RANBP2: variants seen among roughly 807,000 people sequenced by gnomAD.
RANBP2 encodes E3 SUMO-protein ligase RanBP2.
Under a neutral mutation model 303.6 loss-of-function variants are expected in RANBP2, and 57 were observed. The observed-to-expected ratio is 0.19, with a 90% CI of 0.15 to 0.23. The LOEUF (loss-of-function observed/expected upper bound fraction) is 0.23, where lower values mean the gene tolerates loss of function less well. Among genes scored for constraint, RANBP2 ranks in the 10% least tolerant of loss-of-function variants. The pLI, the probability that RANBP2 is intolerant of heterozygous loss-of-function variation, is 1.00. For synonymous variants in RANBP2, 1,167 were observed against 1,301.5 expected (o/e 0.90, Z 2.23); for missense variants, 3,138 against 3,780.8 (o/e 0.83, Z 4.46).
chr2:108,719,673 C>G lies in RANBP2; in HGVS notation c.67C>G (p.Arg23Gly). 1.9e-6 allele frequency: 3 copies of G among 1,605,028 alleles called. No individual in the cohort carries two copies. Among genetic ancestry groups the G allele is most frequent in the Non-Finnish European group, 2.5e-6 (3 of 1,176,994 alleles). ...GGTGCAGGGCTCCACCCCGTCGCCT[C>G]GACAGGTGAGTGGGTCTCGAAGAGA... ...ASVQGSTPSP[R>G]QKSMKGFYFA... The change falls in exon 1 of 29, where the codon CGA (arginine) becomes GGA (glycine). Residue 23 changes from arginine (R) to glycine (G), a missense_variant. Around this residue, in one of 20 missense-constraint regions of RANBP2, gnomAD observed 306 missense variants for 381.9 expected, o/e 0.80. Coordinates refer to ENST00000283195, the MANE Select transcript of RANBP2 (RefSeq NM_006267.5).
At chr2:108,864,896 C>T in the RANBP2 span, among the ~76,000 whole-genome samples, 9 of 151,278 alleles carry the variant, frequency 5.9e-5, no homozygotes, top group Non-Finnish European at 1.3e-4. Flanking sequence ...TGGAGTTCAA[C>T]GTTGTACTGA....
chr2:109,185,162 AT>A, the RANBP2 span, among the ~76,000 whole-genome samples: 1 of 152,148 alleles, frequency 6.6e-6, no homozygotes, highest in African/African-American at 2.4e-5. Context: ...TATTTTCCTG[AT>A]TGTTAGAATT....
At chr2:109,380,411 G>A in the RANBP2 span, among the ~76,000 whole-genome samples, 3 of 152,280 alleles carry the variant, frequency 2.0e-5, no homozygotes, top group African/African-American at 7.2e-5. Context: ...TAGCTACCCT[G>A]TGCACCTGTG....
At chr2:109,671,232 G>T in the RANBP2 span, among the ~76,000 whole-genome samples, 1 of 152,330 alleles carries the variant, frequency 6.6e-6, no homozygotes, top group African/African-American at 2.4e-5. Flanking sequence ...GCCTCGCTGT[G>T]AGTTGGTGGT....
chr2:109,737,347 C>A, the RANBP2 span: 1 of 689,758 alleles, frequency 1.4e-6, no homozygotes, highest in East Asian at 2.7e-5. Flanking sequence ...GGTCACCACC[C>A]CTTCGCCAAG....
the RANBP2 span, among the ~76,000 whole-genome samples, chr2:109,506,254 A>C: frequency 1.3e-5 from 2 of 152,140 alleles, no homozygotes; most frequent in Non-Finnish European, 2.9e-5. Context: ...TCTAACTGAC[A>C]CTGACAGGTG....
chr2:109,582,194 G>GA, the RANBP2 span, among the ~76,000 whole-genome samples: 140 of 151,950 alleles, frequency 9.2e-4, no homozygotes, highest in African/African-American at 3.4e-3. Flanking sequence ...AAACACTGCT[G>GA]AAAGAAATCA....
At chr2:109,729,807 C>T in the RANBP2 span, among the ~76,000 whole-genome samples, 1 of 152,168 alleles carries the variant, frequency 6.6e-6, no homozygotes, top group Non-Finnish European at 1.5e-5. Context: ...AAGAACTTCC[C>T]TGAGACTGGG....
the RANBP2 span, among the ~76,000 whole-genome samples, chr2:109,225,255 A>G: frequency 6.6e-6 from 1 of 151,886 alleles, no homozygotes; most frequent in Non-Finnish European, 1.5e-5. Flanking sequence ...ATAATAATAA[A>G]GAAGGCTTAT....
the RANBP2 span, among the ~76,000 whole-genome samples, chr2:109,485,433 A>G: frequency 6.6e-6 from 1 of 152,166 alleles, no homozygotes; most frequent in African/African-American, 2.4e-5. Flanking sequence ...CATAACTTTT[A>G]ATTGACCTTT....
chr2:109,078,098 A>ATATATATAGCGTG, the RANBP2 span, among the ~76,000 whole-genome samples: 245 of 60,044 alleles, frequency 4.1e-3, 18 homozygotes, highest in East Asian at 0.021. Context: ...ATATATATAT[A>ATATATATAGCGTG]TATATATATA....
chr2:109,391,510 G>T, the RANBP2 span, among the ~76,000 whole-genome samples: 1 of 152,202 alleles, frequency 6.6e-6, no homozygotes, highest in Non-Finnish European at 1.5e-5. Flanking sequence ...CTCTAGTGTT[G>T]CTCAGCCTCT....
chr2:108,810,841 T>A, the RANBP2 span, among the ~76,000 whole-genome samples: 1 of 152,244 alleles, frequency 6.6e-6, no homozygotes, highest in Non-Finnish European at 1.5e-5. Context: ...GGAAACTTTT[T>A]ACTACAATTC....
chr2:108,779,017 A>T (rs529832988), intron 25 of RANBP2, among the ~76,000 whole-genome samples: 28 of 152,324 alleles, frequency 1.8e-4, no homozygotes, highest in African/African-American at 6.7e-4. Context: ...GGCATGAGCC[A>T]CTGCACCTGG....
At chr2:109,191,846 AC>A in the RANBP2 span, among the ~76,000 whole-genome samples, 3 of 152,024 alleles carry the variant, frequency 2.0e-5, no homozygotes, top group African/African-American at 7.3e-5. Flanking sequence ...AAAAACAATA[AC>A]CCTTTAAGGT....
the RANBP2 span, among the ~76,000 whole-genome samples, chr2:109,524,936 T>A: frequency 6.6e-6 from 1 of 152,058 alleles, no homozygotes. Flanking sequence ...TCGGCGCAGA[T>A]CTTCAGTTAT....
the RANBP2 span, among the ~76,000 whole-genome samples, chr2:109,155,464 G>A: frequency 1.3e-5 from 2 of 152,048 alleles, no homozygotes; most frequent in Admixed American, 6.5e-5. Flanking sequence ...CACCACGCCT[G>A]GCTAATTTTT....
the RANBP2 span, among the ~76,000 whole-genome samples, chr2:109,343,943 C>T: frequency 6.6e-6 from 1 of 152,066 alleles, no homozygotes; most frequent in Non-Finnish European, 1.5e-5. Context: ...AGGGTCTCAG[C>T]GTGTTGCCCA....
At chr2:109,452,240 AG>A in the RANBP2 span, among the ~76,000 whole-genome samples, 1 of 152,218 alleles carries the variant, frequency 6.6e-6, no homozygotes, top group African/African-American at 2.4e-5. Context: ...GTGCTGGGCT[AG>A]GGGGCTGCAG....
Sources: allele counts gnomAD v4.1 joint callset (sites outside exome capture counted in the v4.1 genomes callset), GRCh38; gene constraint gnomAD v4.1.1; regional missense constraint gnomAD v4.1.1; transcripts MANE v1.5; gene names NCBI Gene and HGNC (gene_info 2026-07-23, HGNC 2026-07-21).